The following TNFSF10 variants were observed in gnomAD, a reference collection of about 807,000 sequenced individuals.
The protein encoded by TNFSF10 is TNF superfamily member 10.
TNFSF10 carries 13 observed loss-of-function variants against 29.5 expected under a neutral mutation model. The observed-to-expected ratio is 0.44, with a 90% CI of 0.29 to 0.70. TNFSF10 has a LOEUF of 0.70. Ranked by LOEUF, TNFSF10 falls within the 30% of genes least tolerant of loss-of-function variation. The pLI is 0.13. For synonymous variants in TNFSF10, 111 were observed against 112.8 expected (o/e 0.98, Z 0.10); for missense variants, 345 against 330.9 (o/e 1.04, Z -0.33).
At chr3:172,507,513 C>T (rs1216685361) in intron 4 of TNFSF10, 1 of 152,170 alleles carries the variant, frequency 6.6e-6, no homozygotes, top group Non-Finnish European at 1.5e-5. Flanking sequence ...TCCTCAGATC[C>T]TTGAATCTTT....
intron 3 of TNFSF10, 93 bp downstream of exon 3, chr3:172,511,524 G>T: frequency 9.6e-7 from 1 of 1,038,010 alleles, no homozygotes; most frequent in Non-Finnish European, 1.4e-6. Flanking sequence ...TGGATGAGTG[G>T]ATGAGAACAC....
At chr3:172,522,026 C>A (rs1345116708) in intron 1 of TNFSF10, among the ~76,000 whole-genome samples, 2 of 151,770 alleles carry the variant, frequency 1.3e-5, no homozygotes, top group East Asian at 1.9e-4. Context: ...GGGCAACACA[C>A]ACACTGGGGC....
chr3:172,518,018 C>A, intron 1 of TNFSF10: 1 of 987,456 alleles, frequency 1.0e-6, no homozygotes, highest in Non-Finnish European at 1.2e-6. Context: ...AGACACATGG[C>A]GGGTTGACGT....
Position 172,523,429 on chromosome 3 carries a change from T to G in TNFSF10, c.-45A>C. The G allele has an allele frequency of 6.3e-7, 1 of 1,592,640 alleles. No homozygotes were observed. Among genetic ancestry groups the G allele is most frequent in the Non-Finnish European group, 8.6e-7 (1 of 1,164,942 alleles). On this transcript the variant is annotated 5_prime_UTR_variant, in exon 1 of 5. Coordinates refer to ENST00000241261, the MANE Select transcript of TNFSF10 (RefSeq NM_003810.4). ...TGCTGTAAGTCAGCCAGGCAGCCGG[T>G]CACTGAAGCCCTTCCTTCTCTATTC...
rs772322387 is a variant in TNFSF10, at chr3:172,509,235, T to G, written c.400A>C (p.Asn134His). ...AHITGTRGRS[N>H]TLSSPNSKNE... is the part of the protein sequence containing the mutation. ...CTCTTACTTGGAGAAGACAATGTGT[T>G]GCTTCTTCCTCTGGTCCCAGTTATG... is the stretch of plus-strand genomic sequence containing the variant. The change falls in exon 4 of 5, where the codon AAC becomes CAC. Residue 134 changes from asparagine to histidine, a missense_variant. Transcript: ENST00000241261. The G allele has an allele frequency of 3.7e-6, 6 of 1,613,816 alleles. No individual in the cohort carries two copies. The South Asian group carries it at 6.6e-5, about 18-fold the overall frequency.
At chr3:172,517,454 C>T (rs1347630880) in intron 1 of TNFSF10, 2 of 983,630 alleles carry the variant, frequency 2.0e-6, no homozygotes, top group Non-Finnish European at 2.4e-6. Flanking sequence ...AGCCTGGATA[C>T]ATTCAGGATA....
intron 2 of TNFSF10, among the ~76,000 whole-genome samples, chr3:172,512,161 G>A (rs1444735644): frequency 6.6e-6 from 1 of 152,184 alleles, no homozygotes; most frequent in Non-Finnish European, 1.5e-5. Flanking sequence ...GATGCCCACA[G>A]ACATACATAG....
At chr3:172,518,614 T>A in intron 1 of TNFSF10, 1 of 555,162 alleles carries the variant, frequency 1.8e-6, no homozygotes, top group Non-Finnish European at 2.9e-6. Context: ...GCTAAGCCCA[T>A]ATTTGTTGTT....
chr3:172,506,856 T>G lies in TNFSF10; in HGVS notation c.482A>C (p.His161Pro). The change falls in exon 5 of 5, where the codon CAT (histidine) becomes CCT (proline). Residue 161 changes from histidine (H) to proline (P), a missense_variant. Physicochemically the swap from His to Pro is moderately conservative, Grantham distance 77 (BLOSUM62 -2). Coordinates refer to ENST00000241261, the MANE Select transcript of TNFSF10 (RefSeq NM_003810.4). ...INSWESSRSG[H>P]SFLSNLHLRN... is the part of the protein sequence containing the mutation. The stretch of plus-strand genomic sequence containing the variant: ...CAAGTGCAAGTTGCTCAGGAATGAA[T>G]GCCCACTCCTTGATGATTCCCAGGA... 6.2e-7 allele frequency: 1 copy of G among 1,614,174 alleles called. No individual in the cohort carries two copies. The highest frequency in any genetic ancestry group is 8.5e-7 in the Non-Finnish European group (1 of 1,180,030).
At chr3:172,512,056 G>T (rs1323882640) in intron 2 of TNFSF10, among the ~76,000 whole-genome samples, 1 of 152,188 alleles carries the variant, frequency 6.6e-6, no homozygotes, top group Non-Finnish European at 1.5e-5. Context: ...TCATGTGTGT[G>T]TGTGTATAAG....
rs11574670 is a variant in TNFSF10, at chr3:172,516,767, G to A, written c.133-1769C>T. Among the ~76,000 whole-genome samples the A allele has an allele frequency of 2.9e-3, 447 of 152,258 alleles. 2 individuals are homozygous for A. Among genetic ancestry groups the A allele is most frequent in the Non-Finnish European group, 4.9e-3 (336 of 68,014 alleles). Reference sequence around the variant, plus strand: ...ACCTGTAAACATCCAGTTGCACCTCGAATTGACTTGGGAGATGCAAAACCT... The same window carrying A: ...ACCTGTAAACATCCAGTTGCACCTCAAATTGACTTGGGAGATGCAAAACCT... On this transcript the variant is annotated intron_variant, in intron 1 of 4. Transcript: ENST00000241261.
chr3:172,518,694 C>T (rs1254653475), intron 1 of TNFSF10, among the ~76,000 whole-genome samples: 2 of 152,242 alleles, frequency 1.3e-5, no homozygotes, highest in African/African-American at 4.8e-5. Flanking sequence ...TTAACCCTTA[C>T]ACCCTATAAT....
chr3:172,520,331 G>A (rs1009909323), intron 1 of TNFSF10, among the ~76,000 whole-genome samples: 1 of 152,162 alleles, frequency 6.6e-6, no homozygotes, highest in Non-Finnish European at 1.5e-5. Context: ...GTTTTATCAT[G>A]AACAGCTGTG....
At chr3:172,520,563 C>T (rs1713640707) in intron 1 of TNFSF10, among the ~76,000 whole-genome samples, 1 of 152,170 alleles carries the variant, frequency 6.6e-6, no homozygotes, top group African/African-American at 2.4e-5. Context: ...TTGGGTTGAG[C>T]CTGACTCTAC....
chr3:172,515,871 G>A (rs1713408628), intron 1 of TNFSF10, among the ~76,000 whole-genome samples: 1 of 148,648 alleles, frequency 6.7e-6, no homozygotes, highest in South Asian at 2.2e-4. Context: ...AAGCCAGAAG[G>A]GTTTTGTTTG....
At chr3:172,510,669 C>CTAGA (rs753558063) in intron 3 of TNFSF10, among the ~76,000 whole-genome samples, 2 of 151,862 alleles carry the variant, frequency 1.3e-5, no homozygotes, top group Non-Finnish European at 2.9e-5. Flanking sequence ...GTACATGCAT[C>CTAGA]TATCTGCTGT....
intron 1 of TNFSF10, among the ~76,000 whole-genome samples, chr3:172,518,827 T>C (rs892024460): frequency 2.0e-5 from 3 of 152,220 alleles, no homozygotes; most frequent in African/African-American, 7.2e-5. Flanking sequence ...TTCAAACTTA[T>C]TTTCCCTTTG....
At chr3:172,508,291 G>A (rs3136604) in intron 4 of TNFSF10, among the ~76,000 whole-genome samples, 29,948 of 132,748 alleles carry the variant, frequency 0.23, 3,352 homozygotes, top group Middle Eastern at 0.43. Flanking sequence ...GTGAAACTCC[G>A]TCTCAAAAAA....
At chr3:172,513,966 G>A (rs1713332382) in intron 2 of TNFSF10, among the ~76,000 whole-genome samples, 1 of 151,930 alleles carries the variant, frequency 6.6e-6, no homozygotes, top group Non-Finnish European at 1.5e-5. Flanking sequence ...AGCCTCCCAA[G>A]TAGCTGGGAG....
Sources: allele counts gnomAD v4.1 joint callset (sites outside exome capture counted in the v4.1 genomes callset), GRCh38; gene constraint gnomAD v4.1.1; transcripts MANE v1.5; gene names NCBI Gene and HGNC (gene_info 2026-07-23, HGNC 2026-07-21).